The following ERC1 variants were observed in gnomAD, a reference collection of about 807,000 sequenced individuals.
ERC1 encodes the protein RAB6 interacting protein 2.
In ERC1, 56 loss-of-function variants were observed where a neutral mutation model predicts 132.0. The ratio of observed to expected loss-of-function variants is 0.42; its 90% CI spans 0.34 to 0.53. The LOEUF (loss-of-function observed/expected upper bound fraction) is 0.53, where lower values mean the gene tolerates loss of function less well. Ranked by LOEUF, ERC1 falls within the 20% of genes least tolerant of loss-of-function variation. The probability of loss-of-function intolerance (pLI) is 0.03; values close to 1 mark genes in which losing one functional copy is unlikely to be tolerated. For synonymous variants in ERC1, 478 were observed against 476.1 expected (o/e 1.00, Z -0.05); for missense variants, 1,202 against 1,349.9 (o/e 0.89, Z 1.72).
At chr12:1,092,018 A>G (rs1230869663) in intron 3 of ERC1, among the ~76,000 whole-genome samples, 1 of 87,014 alleles carries the variant, frequency 1.1e-5, no homozygotes, top group East Asian at 2.7e-4. Flanking sequence ...TTTTTTTTTG[A>G]GACGGAGTCT....
intron 2 of ERC1, among the ~76,000 whole-genome samples, chr12:1,066,900 G>T (rs557428540): frequency 6.6e-6 from 1 of 151,934 alleles, no homozygotes. Context: ...TTTGAGTTTG[G>T]TATTTTATCT....
At chr12:1,138,641 CAGG>C (rs999627519) in intron 7 of ERC1, among the ~76,000 whole-genome samples, 1 of 151,696 alleles carries the variant, frequency 6.6e-6, no homozygotes, top group Non-Finnish European at 1.5e-5. Context: ...AAGGATATTA[CAGG>C]CATAGGACAA....
At chr12:1,369,409 T>C (rs2086968420) in intron 15 of ERC1, among the ~76,000 whole-genome samples, 1 of 152,252 alleles carries the variant, frequency 6.6e-6, no homozygotes, top group Non-Finnish European at 1.5e-5. Context: ...TGATCGCCTT[T>C]GTATTTTGCA....
At chr12:1,047,250 G>C (rs926551935) in intron 2 of ERC1, among the ~76,000 whole-genome samples, 6 of 152,044 alleles carry the variant, frequency 3.9e-5, no homozygotes, top group East Asian at 1.9e-4. Flanking sequence ...AATATTTATC[G>C]TGTTGTTCTT....
intron 2 of ERC1, among the ~76,000 whole-genome samples, chr12:1,032,078 C>T (rs1968150941): frequency 6.7e-6 from 1 of 149,748 alleles, no homozygotes; most frequent in African/African-American, 2.5e-5. Context: ...TGGAGTCTCG[C>T]TCTGTAGCCC....
chr12:1,455,649 C>T (rs971886970), intron 18 of ERC1, among the ~76,000 whole-genome samples: 2 of 152,206 alleles, frequency 1.3e-5, no homozygotes, highest in Non-Finnish European at 2.9e-5. Context: ...AACATCTACT[C>T]AGGGAGTTGC....
Position 1,236,905 on chromosome 12 carries a change from GT to G in ERC1, c.2487+3del, listed in dbSNP as rs778425568. On this transcript the variant is annotated splice_donor_variant, in intron 13 of 18. Coordinates refer to ENST00000360905, the MANE Select transcript of ERC1 (RefSeq NM_178040.4). LOFTEE classifies it high-confidence loss of function. ...CAACGACAGCTCTCAGCAGCTACAG[GT>G]TAGAACACAAGGAGAATCTGAAAGG... 16 of 1,613,732 alleles carry G rather than the reference GT, an allele frequency of 9.9e-6. No homozygotes were observed. The East Asian group carries it at 3.3e-4, about 34-fold the overall frequency.
chr12:1,469,399 G>A (rs1436924219), intron 18 of ERC1, among the ~76,000 whole-genome samples: 1 of 152,202 alleles, frequency 6.6e-6, no homozygotes. Context: ...TGGTCTGTGT[G>A]GAGCTCACTC....
intron 13 of ERC1, among the ~76,000 whole-genome samples, chr12:1,246,281 A>G (rs2076154233): frequency 6.6e-6 from 1 of 152,076 alleles, no homozygotes; most frequent in South Asian, 2.1e-4. Context: ...ACCATGGTGA[A>G]TCTACACAAA....
chr12:1,455,363 C>T (rs911664060), intron 18 of ERC1, among the ~76,000 whole-genome samples: 6 of 152,162 alleles, frequency 3.9e-5, no homozygotes, highest in Admixed American at 2.0e-4. Context: ...CTCTTCAGCA[C>T]GCCCCAACCC....
intron 18 of ERC1, chr12:1,480,935 C>G: frequency 1.4e-6 from 1 of 702,448 alleles, no homozygotes; most frequent in Non-Finnish European, 2.6e-6. Context: ...GTCCCCCTTA[C>G]TCTGGGCAGT....
At chr12:1,219,408 A>G (rs1293422797) in intron 12 of ERC1, among the ~76,000 whole-genome samples, 1 of 152,172 alleles carries the variant, frequency 6.6e-6, no homozygotes, top group Non-Finnish European at 1.5e-5. Flanking sequence ...CTCATTGTGC[A>G]GGCAATAAAT....
chr12:1,429,145 C>T (rs1041330621), intron 17 of ERC1, among the ~76,000 whole-genome samples: 3 of 152,122 alleles, frequency 2.0e-5, no homozygotes, highest in Non-Finnish European at 2.9e-5. Flanking sequence ...AGCACTGTTT[C>T]TTCCTGTATT....
At chr12:1,270,246 C>T (rs1404511766) in intron 14 of ERC1, among the ~76,000 whole-genome samples, 1 of 152,052 alleles carries the variant, frequency 6.6e-6, no homozygotes, top group Non-Finnish European at 1.5e-5. Context: ...CTCACTTCTT[C>T]ACCCACACTG....
At chr12:1,358,283 A>T (rs1410667903) in intron 15 of ERC1, among the ~76,000 whole-genome samples, 1 of 151,452 alleles carries the variant, frequency 6.6e-6, no homozygotes, top group African/African-American at 2.4e-5. Context: ...CAACCCATAG[A>T]AGTCATCTCT....
chr12:1,304,915 G>A (rs867540033), intron 15 of ERC1, among the ~76,000 whole-genome samples: 2 of 146,006 alleles, frequency 1.4e-5, no homozygotes, highest in Non-Finnish European at 1.5e-5. Flanking sequence ...TCAGCCTCCC[G>A]AGTAGCTGGG....
At chr12:1,243,499 T>C (rs1398501481) in intron 13 of ERC1, among the ~76,000 whole-genome samples, 2 of 151,226 alleles carry the variant, frequency 1.3e-5, no homozygotes, top group Non-Finnish European at 1.5e-5. Flanking sequence ...ACTGTAGGGA[T>C]GTAATGAAAC....
At chr12:1,180,252 GATGTGTGTGTGTGTGT>G (rs962789813) in intron 8 of ERC1, among the ~76,000 whole-genome samples, 1 of 123,358 alleles carries the variant, frequency 8.1e-6, no homozygotes, top group African/African-American at 3.9e-5. Flanking sequence ...TTTTGTTAGG[GATGTGTGTGTGTGTGT>G]GTGTGTGTGT....
chr12:1,266,184 C>T (rs2077464669), intron 14 of ERC1, among the ~76,000 whole-genome samples: 1 of 151,998 alleles, frequency 6.6e-6, no homozygotes, highest in Non-Finnish European at 1.5e-5. Flanking sequence ...ATGCTTTTTT[C>T]CTTTTCTGTT....
Sources: allele counts gnomAD v4.1 joint callset (sites outside exome capture counted in the v4.1 genomes callset), GRCh38; gene constraint gnomAD v4.1.1; transcripts MANE v1.5; gene names NCBI Gene and HGNC (gene_info 2026-07-23, HGNC 2026-07-21).